Variants in DIS3 observed in about 807,000 individuals in gnomAD.
DIS3 encodes the protein DIS3 exosome endoribonuclease and 3'-5' exoribonuclease.
Under a neutral mutation model 113.0 loss-of-function variants are expected in DIS3, and 103 were observed. The ratio of observed to expected loss-of-function variants is 0.91; its 90% CI spans 0.78 to 1.07. The LOEUF (loss-of-function observed/expected upper bound fraction) is 1.07. Ranked by LOEUF, DIS3 falls within the 50% of genes least tolerant of loss-of-function variation. The pLI is 0.00. For synonymous variants in DIS3, 402 were observed against 394.3 expected (o/e 1.02, Z -0.23); for missense variants, 1,121 against 1,167.1 (o/e 0.96, Z 0.58).
Position 72,766,328 on chromosome 13 carries a change from A to G in DIS3, c.1884-270T>C, listed in dbSNP as rs146683623. Among the ~76,000 whole-genome samples the G allele has an allele frequency of 5.2e-3, 785 of 152,326 alleles. 9 individuals carry two copies. The highest frequency in any genetic ancestry group is 0.017 in the African/African-American group (708 of 41,582). On this transcript the variant is annotated intron_variant, in intron 14 of 20. Coordinates refer to ENST00000377767, the MANE Select transcript of DIS3 (RefSeq NM_014953.5). ...CTGAATCCCTGTGCTTCTGAGGGTT[A>G]TATCTTCTGTACCCAAACGATGAGT... is the stretch of plus-strand genomic sequence containing the variant.
rs2033396751 is a variant in DIS3 at position 72,754,703 on chromosome 13, T to A, written c.*5092A>T. The A allele has an allele frequency of 6.6e-6, 1 of 152,664 alleles. No homozygotes were observed. The highest frequency in any genetic ancestry group is 2.4e-5 in the African/African-American group (1 of 41,378). The allele number at this position is 152,664 out of a possible 1,614,324, so 9.5% of individuals were successfully genotyped here. A position where few individuals can be genotyped will look rare whatever the true frequency, so the allele number is the denominator to read the frequency against. On this transcript the variant is annotated 3_prime_UTR_variant, in exon 21 of 21. Coordinates refer to ENST00000377767, the MANE Select transcript of DIS3 (RefSeq NM_014953.5). ...AACATAAGTAGAGATAAATGAAGGATTTTTTTAAATTTTATTATTTTATTT... is the reference window on the plus strand; with the variant it reads ...AACATAAGTAGAGATAAATGAAGGAATTTTTTAAATTTTATTATTTTATTT...
intron 15 of DIS3, among the ~76,000 whole-genome samples, chr13:72,764,330 A>C (rs2033699363): frequency 6.6e-6 from 1 of 152,176 alleles, no homozygotes; most frequent in Non-Finnish European, 1.5e-5. Flanking sequence ...TTTGGCTTAA[A>C]AACCAAAATT....
chr13:72,764,164 C>A (rs1445202097), intron 15 of DIS3, among the ~76,000 whole-genome samples: 1 of 151,914 alleles, frequency 6.6e-6, no homozygotes, highest in African/African-American at 2.4e-5. Context: ...AAAACAACAA[C>A]AAAATTGCAC....
intron 2 of DIS3, among the ~76,000 whole-genome samples, chr13:72,780,522 G>A (rs2034150830): frequency 1.3e-5 from 2 of 151,876 alleles, no homozygotes; most frequent in Non-Finnish European, 2.9e-5. Flanking sequence ...TGGTATTCCA[G>A]GAACTTAAGC....
At chr13:72,779,796 G>GC (rs951218885) in intron 2 of DIS3, among the ~76,000 whole-genome samples, 17 of 151,820 alleles carry the variant, frequency 1.1e-4, no homozygotes, top group African/African-American at 3.9e-4. Flanking sequence ...TGGTGATCCT[G>GC]CCAAATAGGC....
Position 72,773,719 on chromosome 13 carries a change from T to G in DIS3, c.1204A>C (p.Ile402Leu). ...TLEGRRIIVA[I>L]DGWPRNSRYP... ...CTGGAATTTCTGGGCCAACCATCAA[T>G]AGCAACAATAATTCTCCGTCCTTCT... The change falls in exon 8 of 21, where the codon ATT becomes CTT. Residue 402 changes from isoleucine (I) to leucine (L), a missense_variant. By Grantham distance (5) the Ile-to-Leu change is conservative. Coordinates refer to ENST00000377767, the MANE Select transcript of DIS3 (RefSeq NM_014953.5). 6.2e-7 allele frequency: 1 copy of G among 1,612,918 alleles called. No homozygotes were observed. The highest frequency in any genetic ancestry group is 1.1e-5 in the South Asian group (1 of 90,476).
chr13:72,765,759 T>C (rs1398781387), intron 15 of DIS3, among the ~76,000 whole-genome samples: 1 of 152,198 alleles, frequency 6.6e-6, no homozygotes, highest in African/African-American at 2.4e-5. Context: ...CAAATTCAAA[T>C]TGAAAGTTTT....
intron 4 of DIS3, among the ~76,000 whole-genome samples, 156 bp downstream of exon 4, chr13:72,777,264 A>G (rs948262976): frequency 2.0e-5 from 3 of 152,230 alleles, no homozygotes; most frequent in East Asian, 1.9e-4. Flanking sequence ...TGGCATTTCA[A>G]TAAGCCTATG....
Position 72,781,643 on chromosome 13 carries a change from G to A in DIS3, c.190C>T (p.His64Tyr), listed in dbSNP as rs368250163. Reference sequence around the variant, plus strand: ...ACATTAGTGTCGGGCAGCAAGTAGTGCGGTTGCGGGCAGACGCTGCTCGCC... The same window carrying A: ...ACATTAGTGTCGGGCAGCAAGTAGTACGGTTGCGGGCAGACGCTGCTCGCC... ...DPASSVCPQPHYLLPDTNVLL... is the reference protein window; with the variant it reads ...DPASSVCPQPYYLLPDTNVLL... Residue 64 changes from histidine to tyrosine, a missense_variant, in exon 1 of 21, where the codon CAC (histidine) becomes TAC (tyrosine). This residue lies in a region of DIS3 where 254 missense variants were observed against 232.2 expected (regional missense o/e 1.09). Coordinates refer to ENST00000377767, the MANE Select transcript of DIS3 (RefSeq NM_014953.5). 4.5e-6 allele frequency: 7 copies of A among 1,542,338 alleles called. No homozygotes were observed. The African/African-American group carries it at 8.2e-5, about 18-fold the overall frequency.
rs2033520636 is a variant in DIS3, at chr13:72,757,642, G to A, written c.*2153C>T. 5.8e-6 allele frequency: 1 copy of A among 173,018 alleles called. No individual in the cohort carries two copies. 10.7% of individuals were successfully genotyped at this position (173,018 alleles called of 1,614,324 possible). ...GCGTTTTACCATGTTGGCCAGGCTG[G>A]TCTCAAACTCCTGACATCGAGTGAT... is the stretch of plus-strand genomic sequence containing the variant. On this transcript the variant is annotated 3_prime_UTR_variant, in exon 21 of 21. Transcript: ENST00000377767.
chr13:72,761,207 G>T (rs2033614796), intron 19 of DIS3, among the ~76,000 whole-genome samples, 156 bp downstream of exon 19: 1 of 152,140 alleles, frequency 6.6e-6, no homozygotes, highest in African/African-American at 2.4e-5. Context: ...TAGTTTAGTT[G>T]GCAAAATTAA....
intron 11 of DIS3, 28 bp downstream of exon 11, chr13:72,771,767 G>C: frequency 1.2e-6 from 2 of 1,603,102 alleles, no homozygotes; most frequent in Non-Finnish European, 8.5e-7. Context: ...GTCCATGACT[G>C]TTAAATTTTT....
intron 15 of DIS3, among the ~76,000 whole-genome samples, chr13:72,765,587 G>A (rs1566241734): frequency 2.0e-5 from 3 of 152,134 alleles, no homozygotes; most frequent in Non-Finnish European, 1.5e-5. Context: ...TGCTGCCACC[G>A]ATCTGACAGA....
intron 13 of DIS3, among the ~76,000 whole-genome samples, chr13:72,769,321 G>A (rs2033830605): frequency 6.6e-6 from 1 of 152,050 alleles, no homozygotes; most frequent in Non-Finnish European, 1.5e-5. Flanking sequence ...AAGACTGCAG[G>A]AGTCGAGACA....
In DIS3 at chr13:72,768,926, T is replaced by C. The variant is rs1440344541; in HGVS notation, c.1756-14A>G. 1.9e-6 allele frequency: 3 copies of C among 1,543,814 alleles called. No individual in the cohort carries two copies. Among genetic ancestry groups the C allele is most frequent in the Admixed American group, 1.8e-5 (1 of 57,014 alleles). ...CGTCAGAGATGCCTAAAAAAGAAAA[T>C]GTATGTTATATAATTCTTATAAATG... On this transcript the variant is annotated splice_polypyrimidine_tract_variant and intron_variant, in intron 13 of 20. Transcript: ENST00000377767.
intron 13 of DIS3, 87 bp from the exon 14 acceptor site, chr13:72,768,999 T>A: frequency 1.2e-6 from 1 of 825,612 alleles, no homozygotes; most frequent in South Asian, 2.2e-5. Context: ...CTACATAAAA[T>A]CCATGATTTC....
At position 72,761,629 on chromosome 13, in the gene DIS3, C is replaced by T. The variant is rs113389415; in HGVS notation, c.2511+17G>A. On this transcript the variant is annotated intron_variant, in intron 18 of 20. Coordinates refer to ENST00000377767, the MANE Select transcript of DIS3 (RefSeq NM_014953.5). ...AAAACTTCATTTTTTCTAGCAGTAT[C>T]GACAAAAGGCAAATACCTGGGTATG... The T allele has an allele frequency of 2.5e-3, 3,944 of 1,565,416 alleles. 74 individuals are homozygous for T. The African/African-American group carries it at 0.041, about 16-fold the overall frequency.
intron 9 of DIS3, 102 bp downstream of exon 9, chr13:72,772,591 G>A: frequency 2.4e-6 from 3 of 1,231,466 alleles, no homozygotes; most frequent in African/African-American, 3.1e-5. Flanking sequence ...CAGGAAAAGA[G>A]GGCCCGTGGT....
At chr13:72,779,856 C>T (rs931125856) in intron 2 of DIS3, among the ~76,000 whole-genome samples, 4 of 151,842 alleles carry the variant, frequency 2.6e-5, no homozygotes, top group African/African-American at 9.7e-5. Flanking sequence ...CTTTCCACCA[C>T]AAAAAAATTA....
Sources: gnomAD v4.1 joint callset for allele counts (sites outside exome capture counted in the v4.1 genomes callset) on GRCh38, gnomAD v4.1.1 for gene constraint, gnomAD v4.1.1 regional missense constraint, MANE v1.5 for transcripts, NCBI Gene and HGNC (gene_info 2026-07-23, HGNC 2026-07-21) for gene names.